The following CSMD3 variants were observed in gnomAD, a reference collection of about 807,000 sequenced individuals.
The protein encoded by CSMD3 is CUB and sushi domain-containing protein 3.
In CSMD3, 177 loss-of-function variants were observed where a neutral mutation model predicts 435.2. The observed-to-expected ratio is 0.41, with a 90% CI of 0.36 to 0.46. The LOEUF is 0.46. CSMD3 is among the 20% of genes least tolerant of loss of function. The pLI, the probability that CSMD3 is intolerant of heterozygous loss-of-function variation, is 0.34. For synonymous variants in CSMD3, 1,656 were observed against 1,520.5 expected, an observed-to-expected ratio of 1.09 and a Z score of -2.07; for missense variants, 4,265 against 4,504.6, an observed-to-expected ratio of 0.95 and a Z score of 1.52.
At chr8:112,422,035 A>G (rs928834504) in intron 32 of CSMD3, among the ~76,000 whole-genome samples, 1 of 152,114 alleles carries the variant, frequency 6.6e-6, no homozygotes, top group African/African-American at 2.4e-5. Flanking sequence ...ATAGAATATG[A>G]ATTTATCTTA....
intron 10 of CSMD3, among the ~76,000 whole-genome samples, chr8:112,884,344 C>T (rs1349027971): frequency 6.6e-6 from 1 of 151,728 alleles, no homozygotes; most frequent in Non-Finnish European, 1.5e-5. Flanking sequence ...TTTGCTTCTT[C>T]TATGACTCTT....
At chr8:112,324,790 G>T (rs1823337164) in intron 45 of CSMD3, among the ~76,000 whole-genome samples, 2 of 152,120 alleles carry the variant, frequency 1.3e-5, no homozygotes, top group South Asian at 4.1e-4. Flanking sequence ...TCCTTTAAAA[G>T]ATCACTCTGG....
intron 13 of CSMD3, among the ~76,000 whole-genome samples, chr8:112,790,377 AT>A (rs1351472829): frequency 1.3e-5 from 2 of 152,026 alleles, no homozygotes; most frequent in African/African-American, 4.8e-5. Flanking sequence ...GTGAAAAAAA[AT>A]CATATATATG....
intron 1 of CSMD3, among the ~76,000 whole-genome samples, chr8:113,403,783 T>G (rs1216967595): frequency 1.3e-5 from 2 of 151,470 alleles, no homozygotes; most frequent in Non-Finnish European, 3.0e-5. Flanking sequence ...AACATTTGTG[T>G]GTGGCTAAAA....
intron 1 of CSMD3, among the ~76,000 whole-genome samples, chr8:113,358,820 G>A (rs2094251753): frequency 6.6e-6 from 1 of 151,906 alleles, no homozygotes; most frequent in African/African-American, 2.4e-5. Flanking sequence ...AACTCATAGA[G>A]GCAGTCAAGC....
chr8:112,322,320 A>G (rs747446557), intron 45 of CSMD3, among the ~76,000 whole-genome samples: 1 of 152,212 alleles, frequency 6.6e-6, no homozygotes, highest in Non-Finnish European at 1.5e-5. Context: ...GTAATTTTTT[A>G]CTAAAGAAGA....
intron 63 of CSMD3, among the ~76,000 whole-genome samples, chr8:112,248,103 C>A (rs10505183): frequency 6.6e-6 from 1 of 151,834 alleles, no homozygotes; most frequent in Non-Finnish European, 1.5e-5. Context: ...TCTCACTTTA[C>A]TTGAATAAGT....
At chr8:112,426,250 G>C (rs1048974764) in intron 32 of CSMD3, among the ~76,000 whole-genome samples, 3 of 152,110 alleles carry the variant, frequency 2.0e-5, no homozygotes. Flanking sequence ...AGGGGGTGGG[G>C]AGTGAGGGTG....
intron 1 of CSMD3, among the ~76,000 whole-genome samples, chr8:113,400,478 T>G (rs755979632): frequency 3.9e-5 from 6 of 152,034 alleles, no homozygotes; most frequent in Non-Finnish European, 5.9e-5. Context: ...TAAAAACTGC[T>G]ATGATACTTT....
At chr8:112,970,131 T>C (rs2084589677) in intron 7 of CSMD3, among the ~76,000 whole-genome samples, 1 of 151,990 alleles carries the variant, frequency 6.6e-6, no homozygotes, top group Non-Finnish European at 1.5e-5. Context: ...CACCTAATTC[T>C]AAAATAGATA....
At chr8:112,575,455 C>A (rs1323615245) in intron 23 of CSMD3, among the ~76,000 whole-genome samples, 1 of 152,050 alleles carries the variant, frequency 6.6e-6, no homozygotes, top group African/African-American at 2.4e-5. Flanking sequence ...ATTACTTGGT[C>A]TCTCTCTTTT....
At chr8:112,776,414 A>C (rs2078247924) in intron 13 of CSMD3, among the ~76,000 whole-genome samples, 1 of 151,736 alleles carries the variant, frequency 6.6e-6, no homozygotes, top group Non-Finnish European at 1.5e-5. Context: ...CTTCAACTTG[A>C]CTAAGATTTA....
intron 3 of CSMD3, among the ~76,000 whole-genome samples, chr8:113,278,300 G>A (rs1017389864): frequency 3.3e-5 from 5 of 151,790 alleles, no homozygotes; most frequent in Non-Finnish European, 7.4e-5. Flanking sequence ...GGTAGGGTCT[G>A]TGATGCCTGA....
chr8:112,392,293 G>C (rs1288039747), intron 35 of CSMD3, among the ~76,000 whole-genome samples: 2 of 92,448 alleles, frequency 2.2e-5, no homozygotes, highest in African/African-American at 7.9e-5. Context: ...AAAGACAAAC[G>C]CAAAAACCAG....
chr8:112,637,984 C>G (rs1381026129), intron 21 of CSMD3, among the ~76,000 whole-genome samples: 1 of 151,694 alleles, frequency 6.6e-6, no homozygotes, highest in Non-Finnish European at 1.5e-5. Context: ...TAAGAAATAG[C>G]TAGTTGTGTT....
At chr8:112,644,222 T>A (rs1207536028) in intron 20 of CSMD3, among the ~76,000 whole-genome samples, 3 of 151,864 alleles carry the variant, frequency 2.0e-5, no homozygotes, top group African/African-American at 4.8e-5. Context: ...TCATAAGTTG[T>A]TACCTTGATA....
chr8:113,111,720 C>T (rs550720919), intron 4 of CSMD3, among the ~76,000 whole-genome samples: 3 of 152,186 alleles, frequency 2.0e-5, no homozygotes, highest in Admixed American at 1.3e-4. Flanking sequence ...CTCGCTTTGT[C>T]GCTCAGGCTG....
At chr8:112,781,949 T>C (rs189894750) in intron 13 of CSMD3, among the ~76,000 whole-genome samples, 94 of 152,258 alleles carry the variant, frequency 6.2e-4, no homozygotes, top group African/African-American at 2.2e-3. Context: ...TTTGATTACT[T>C]GGAAAGTCTT....
intron 1 of CSMD3, among the ~76,000 whole-genome samples, chr8:113,363,433 TG>T (rs1264241076): frequency 6.6e-6 from 1 of 152,126 alleles, no homozygotes; most frequent in African/African-American, 2.4e-5. Context: ...ACCACAAAGT[TG>T]ATAGCTTAAA....
Sources: gnomAD v4.1 joint callset for allele counts (sites outside exome capture counted in the v4.1 genomes callset) on GRCh38, gnomAD v4.1.1 for gene constraint, MANE v1.5 for transcripts, NCBI Gene and HGNC (gene_info 2026-07-23, HGNC 2026-07-21) for gene names.